Variants in GLI3 observed in about 807,000 individuals in gnomAD.
The protein encoded by GLI3 is GLI family zinc finger 3.
A neutral mutation model predicts 100.8 loss-of-function variants in GLI3; 20 were observed. The observed-to-expected ratio is 0.20, with a 90% confidence interval of 0.14 to 0.29. GLI3 has a LOEUF of 0.29. Ranked by LOEUF, GLI3 falls within the 10% of genes least tolerant of loss-of-function variation. The pLI is 1.00. For missense variants in GLI3, 2,040 were observed against 2,128.5 expected, an observed-to-expected ratio of 0.96 and a Z score of 0.82; for synonymous variants, 938 against 860.5, an observed-to-expected ratio of 1.09 and a Z score of -1.58.
intron 10 of GLI3, among the ~76,000 whole-genome samples, chr7:42,020,084 G>T (rs1788893501): frequency 6.6e-6 from 1 of 152,146 alleles, no homozygotes; most frequent in Non-Finnish European, 1.5e-5. Context: ...GAAGAAGAGG[G>T]GCTTGAAATA....
At chr7:42,111,629 C>G (rs199530255) in intron 3 of GLI3, among the ~76,000 whole-genome samples, 2 of 152,126 alleles carry the variant, frequency 1.3e-5, no homozygotes, top group Non-Finnish European at 2.9e-5. Flanking sequence ...GAAAATGTTT[C>G]AAATAGCCAA....
At chr7:42,064,624 G>C (rs1180905102) in intron 4 of GLI3, among the ~76,000 whole-genome samples, 1 of 152,156 alleles carries the variant, frequency 6.6e-6, no homozygotes, top group East Asian at 1.9e-4. Context: ...GGGTGGGGAA[G>C]GGATGTGCTC....
intron 3 of GLI3, among the ~76,000 whole-genome samples, chr7:42,086,866 C>T (rs955953888): frequency 6.6e-6 from 1 of 152,198 alleles, no homozygotes; most frequent in Non-Finnish European, 1.5e-5. Context: ...CCTCAGTGCG[C>T]TTCCTCAGAC....
At chr7:42,058,941 ACATGCAATG>A (rs1418709407) in intron 4 of GLI3, among the ~76,000 whole-genome samples, 10 of 152,234 alleles carry the variant, frequency 6.6e-5, no homozygotes, top group African/African-American at 2.4e-4. Flanking sequence ...AGCCACTGTA[ACATGCAATG>A]CACTGTTATT....
At position 42,048,612 on chromosome 7, in the gene GLI3, G is replaced by A. The variant is rs769275169; in HGVS notation, c.558C>T (p.Ser186=). The A allele has an allele frequency of 7.4e-6, 12 of 1,611,268 alleles. No homozygotes were observed. The highest frequency in any genetic ancestry group is 1.7e-4 in the Middle Eastern group (1 of 6,058). ...ISPHRNPTAA[S]ESPFSPPHPY... ...GATGTGGAGGGCTGAAGGGAGACTC[G>A]GAAGCAGCAGTGGGGTTCCGGTGTG... The change falls in exon 5 of 15, where the codon TCC becomes TCT. Residue 186 remains serine (S), a synonymous_variant. Coordinates refer to ENST00000395925, the MANE Select transcript of GLI3 (RefSeq NM_000168.6).
chr7:41,991,152 A>G (rs1162706056), intron 10 of GLI3, among the ~76,000 whole-genome samples: 1 of 152,212 alleles, frequency 6.6e-6, no homozygotes, highest in Non-Finnish European at 1.5e-5. Flanking sequence ...TGGCTGCGGG[A>G]ATGCAGAAAC....
intron 14 of GLI3, 80 bp downstream of exon 14, chr7:41,967,516 A>G: frequency 1.0e-6 from 1 of 979,206 alleles, no homozygotes. Context: ...AGAAACTAGC[A>G]AACATAAAAC....
intron 1 of GLI3, among the ~76,000 whole-genome samples, chr7:42,229,679 A>C (rs1788656105): frequency 6.6e-6 from 1 of 152,202 alleles, no homozygotes; most frequent in Non-Finnish European, 1.5e-5. Flanking sequence ...TCCCGGATTA[A>C]CCATCCAGGT....
In GLI3 at chr7:42,172,457, T is replaced by C. The variant is rs540335669; in HGVS notation, c.125-23989A>G. 2,640 of 640,942 alleles carry C rather than the reference T, an allele frequency of 4.1e-3. 10 individuals carry two copies. Among genetic ancestry groups the C allele is most frequent in the Non-Finnish European group, 5.4e-3 (1,925 of 353,752 alleles). 39.7% of individuals were successfully genotyped at this position (640,942 alleles called of 1,614,324 possible). On this transcript the variant is annotated intron_variant, in intron 2 of 14. Coordinates refer to ENST00000395925, the MANE Select transcript of GLI3 (RefSeq NM_000168.6). Reference sequence around the variant, plus strand: ...GATAGTAAGATGAAAAAGGATAAACTTTTTTACACTAAAAAGTGTAAATGA... The same window carrying C: ...GATAGTAAGATGAAAAAGGATAAACCTTTTTACACTAAAAAGTGTAAATGA...
chr7:42,131,836 G>T (rs963226702), intron 3 of GLI3, among the ~76,000 whole-genome samples: 1 of 152,140 alleles, frequency 6.6e-6, no homozygotes, highest in African/African-American at 2.4e-5. Context: ...AATATTGAAA[G>T]AAGAGGGCAG....
At chr7:42,094,857 G>A (rs1438897846) in intron 3 of GLI3, among the ~76,000 whole-genome samples, 1 of 152,208 alleles carries the variant, frequency 6.6e-6, no homozygotes, top group East Asian at 1.9e-4. Flanking sequence ...GAGCCCCAGA[G>A]GGGAAGGAAG....
intron 3 of GLI3, among the ~76,000 whole-genome samples, chr7:42,132,566 A>G (rs1383738395): frequency 2.6e-5 from 4 of 152,140 alleles, no homozygotes; most frequent in African/African-American, 9.7e-5. Flanking sequence ...TAGTCATCGC[A>G]TATAGAAAAA....
At chr7:42,169,845 TATTACTTCTTATATTTCA>T (rs1405841666) in intron 2 of GLI3, among the ~76,000 whole-genome samples, 5 of 152,264 alleles carry the variant, frequency 3.3e-5, no homozygotes, top group Admixed American at 6.5e-5. Flanking sequence ...AATTACTTCT[TATTACTTCTTATATTTCA>T]ATTACTTCTT....
At chr7:42,168,880 T>C (rs573025338) in intron 2 of GLI3, among the ~76,000 whole-genome samples, 2 of 152,134 alleles carry the variant, frequency 1.3e-5, no homozygotes, top group Admixed American at 1.3e-4. Flanking sequence ...ATCGCACCAC[T>C]GCACTCCAGT....
At position 41,964,842 on chromosome 7, in the gene GLI3, C is replaced by T; in HGVS notation, c.4231G>A (p.Asp1411Asn). 6.2e-7 allele frequency: 1 copy of T among 1,613,988 alleles called. No homozygotes were observed. The highest frequency in any genetic ancestry group is 8.5e-7 in the Non-Finnish European group (1 of 1,180,040). ...TTCACCCTGCAGGTCTGACTTGTGTCACTGAGCTGTCCTGACTGCAGAGCA... is the reference window on the plus strand; with the variant it reads ...TTCACCCTGCAGGTCTGACTTGTGTTACTGAGCTGTCCTGACTGCAGAGCA... ...SLALQSGQLS[D>N]TSQTCRVNGI... Residue 1411 changes from aspartate (D) to asparagine (N), a missense_variant, in exon 15 of 15, where the codon GAC becomes AAC. Asp to Asn is a conservative substitution (Grantham distance 23). This residue lies in a region of GLI3 where 1,041 missense variants were observed against 924.0 expected (regional missense o/e 1.13). Transcript: ENST00000395925.
At chr7:42,041,632 A>C (rs538778732) in intron 6 of GLI3, among the ~76,000 whole-genome samples, 1 of 152,202 alleles carries the variant, frequency 6.6e-6, no homozygotes, top group Non-Finnish European at 1.5e-5. Context: ...AGTAGCAGGT[A>C]ATCTTTCTTT....
intron 3 of GLI3, among the ~76,000 whole-genome samples, chr7:42,132,132 G>C (rs528781134): frequency 6.6e-6 from 1 of 151,156 alleles, no homozygotes; most frequent in Non-Finnish European, 1.5e-5. Context: ...ATGGAGGCTC[G>C]CTCTGTCGCC....
intron 4 of GLI3, among the ~76,000 whole-genome samples, chr7:42,066,572 C>A (rs1170728064): frequency 2.0e-5 from 3 of 152,184 alleles, no homozygotes; most frequent in Non-Finnish European, 4.4e-5. Flanking sequence ...CAGATCCCCA[C>A]AGCCTGCTCC....
chr7:41,979,926 A>G (rs59426667), intron 10 of GLI3, among the ~76,000 whole-genome samples: 7,469 of 152,218 alleles, frequency 0.049, 273 homozygotes, highest in African/African-American at 0.095. Context: ...CTGAAGGTGA[A>G]GTTCTGCCCT....
Sources: gnomAD v4.1 joint callset for allele counts (sites outside exome capture counted in the v4.1 genomes callset) on GRCh38, gnomAD v4.1.1 for gene constraint, gnomAD v4.1.1 regional missense constraint, MANE v1.5 for transcripts, NCBI Gene and HGNC (gene_info 2026-07-23, HGNC 2026-07-21) for gene names.